The following GAPVD1 variants were observed in gnomAD, a reference collection of about 807,000 sequenced individuals.
GAPVD1 encodes GTPase activating protein and VPS9 domains 1.
A neutral mutation model predicts 155.5 loss-of-function variants in GAPVD1; 35 were observed. The observed-to-expected ratio is 0.23, with a 90% CI of 0.17 to 0.30. The LOEUF (loss-of-function observed/expected upper bound fraction) is 0.30. Among genes scored for constraint, GAPVD1 ranks in the 10% least tolerant of loss-of-function variants. The pLI, the probability that GAPVD1 is intolerant of heterozygous loss-of-function variation, is 1.00. For missense variants in GAPVD1, 1,429 were observed against 1,775.7 expected (o/e 0.80, Z 3.51); for synonymous variants, 636 against 619.7 (o/e 1.03, Z -0.39).
At position 125,323,908 on chromosome 9, in the gene GAPVD1, T is replaced by C. The variant is rs771692854; in HGVS notation, c.1843T>C (p.Leu615=). Residue 615 remains leucine (L), a synonymous_variant, in exon 11 of 28, where the codon TTA becomes CTA. Coordinates refer to ENST00000297933, the MANE Select transcript of GAPVD1 (RefSeq NM_001282680.3). ...GSNGVEALQL[L]EHEQATTQDN... ...TAATGGAGTTGAAGCTCTACAGCTG[T>C]TAGAACATGAGCAAGGTAAAGTGAA... 1 of 1,613,348 alleles carries C rather than the reference T, an allele frequency of 6.2e-7. No homozygotes were observed. The highest frequency in any genetic ancestry group is 8.5e-7 in the Non-Finnish European group (1 of 1,179,656).
intron 2 of GAPVD1, among the ~76,000 whole-genome samples, chr9:125,270,957 A>T (rs1834810168): frequency 6.6e-6 from 1 of 152,214 alleles, no homozygotes; most frequent in Admixed American, 6.5e-5. Flanking sequence ...CTCAAAAAAT[A>T]AAAAAGAATG....
chr9:125,262,087 C>A (rs938295507), intron 1 of GAPVD1, 128 bp downstream of exon 1: 4 of 152,458 alleles, frequency 2.6e-5, no homozygotes, highest in Admixed American at 2.6e-4. Flanking sequence ...ACCCCGGGGT[C>A]CTGGGCTCTT....
At chr9:125,354,035 A>T (rs1849688009) in intron 23 of GAPVD1, among the ~76,000 whole-genome samples, 1 of 152,214 alleles carries the variant, frequency 6.6e-6, no homozygotes, top group Non-Finnish European at 1.5e-5. Flanking sequence ...CTTAGTGGTG[A>T]TAGGAAAGCC....
chr9:125,333,108 T>C (rs1846321751), intron 15 of GAPVD1, among the ~76,000 whole-genome samples: 1 of 152,176 alleles, frequency 6.6e-6, no homozygotes, highest in African/African-American at 2.4e-5. Flanking sequence ...AGTCTTGTGC[T>C]GTCACCCAGG....
At position 125,360,650 on chromosome 9, in the gene GAPVD1, C is replaced by T; in HGVS notation, c.4167C>T (p.Leu1389=). 1 of 1,614,030 alleles carries T rather than the reference C, an allele frequency of 6.2e-7. No homozygotes were observed. Among genetic ancestry groups the T allele is most frequent in the Non-Finnish European group, 8.5e-7 (1 of 1,179,946 alleles). ...ILRMCSTIMN[L]LSLANEDSVP... ...GAATGTGCTCTACGATTATGAACCT[C>T]CTGAGCCTGGCCAATGAGGACTCTG... The change falls in exon 27 of 28, where the codon CTC becomes CTT. Residue 1389 remains leucine (L), a synonymous_variant. Transcript: ENST00000297933.
chr9:125,337,558 T>A lies in GAPVD1; in HGVS notation c.2844T>A (p.Ser948=). ...TGGTGGCTGCACCTCATTCATCATC[T>A]TCATCCCCGAGTAAGGACTCCTCAA... is the stretch of plus-strand genomic sequence containing the variant. ...TSLVAAPHSS[S]SSPSKDSSRG... is the part of the protein sequence containing the mutation. Residue 948 remains serine, a synonymous_variant, in exon 17 of 28, where the codon TCT becomes TCA. Transcript: ENST00000297933. 1 of 1,614,054 alleles carries A rather than the reference T, an allele frequency of 6.2e-7. No individual in the cohort carries two copies. Among genetic ancestry groups the A allele is most frequent in the South Asian group, 1.1e-5 (1 of 91,084 alleles).
chr9:125,321,886 G>T (rs10819045), intron 10 of GAPVD1, among the ~76,000 whole-genome samples: 77,851 of 151,870 alleles, frequency 0.51, 20,086 homozygotes, highest in Middle Eastern at 0.59. Flanking sequence ...CATGCATGTC[G>T]AAACGGGAAA....
chr9:125,314,007 A>G (rs1302798717), intron 9 of GAPVD1, among the ~76,000 whole-genome samples: 7 of 152,206 alleles, frequency 4.6e-5, no homozygotes, highest in Non-Finnish European at 1.0e-4. Flanking sequence ...ACATTAATAC[A>G]TCTGTGGCAC....
chr9:125,295,383 G>A (rs1016452378), intron 2 of GAPVD1, 75 bp from the exon 3 acceptor site: 1 of 148,550 alleles, frequency 6.7e-6, no homozygotes, highest in Non-Finnish European at 1.5e-5. Context: ...TAGAAAAGCA[G>A]AACAAATTGG....
intron 15 of GAPVD1, among the ~76,000 whole-genome samples, chr9:125,335,748 G>C (rs1846830936): frequency 2.0e-5 from 3 of 152,056 alleles, no homozygotes; most frequent in Admixed American, 2.0e-4. Context: ...CATTTAATGG[G>C]TATATTTAAA....
At chr9:125,282,039 G>C (rs2132171913) in intron 2 of GAPVD1, among the ~76,000 whole-genome samples, 1 of 152,182 alleles carries the variant, frequency 6.6e-6, no homozygotes, top group East Asian at 1.9e-4. Flanking sequence ...CCAACACTTT[G>C]GAACGCCAAG....
chr9:125,284,880 A>G (rs935147213), intron 2 of GAPVD1, among the ~76,000 whole-genome samples: 2 of 152,244 alleles, frequency 1.3e-5, no homozygotes, highest in Non-Finnish European at 2.9e-5. Flanking sequence ...AAAATAGTAC[A>G]GTAAGAATAT....
At chr9:125,276,429 C>T (rs1835797760) in intron 2 of GAPVD1, among the ~76,000 whole-genome samples, 1 of 152,126 alleles carries the variant, frequency 6.6e-6, no homozygotes, top group African/African-American at 2.4e-5. Context: ...AAAAATGTTA[C>T]ACCTGTAATC....
At chr9:125,286,635 A>G (rs755624240) in intron 2 of GAPVD1, among the ~76,000 whole-genome samples, 4 of 152,226 alleles carry the variant, frequency 2.6e-5, no homozygotes, top group Non-Finnish European at 5.9e-5. Flanking sequence ...TGCAAATATT[A>G]GCAAAGATAA....
chr9:125,331,840 A>T (rs1230810753), intron 13 of GAPVD1, 86 bp from the exon 14 acceptor site: 2 of 1,195,454 alleles, frequency 1.7e-6, no homozygotes, highest in Non-Finnish European at 2.5e-6. Flanking sequence ...ATGCCCTGGT[A>T]GCTTTGTTTA....
chr9:125,328,933 GAC>G (rs1845646764), intron 12 of GAPVD1, among the ~76,000 whole-genome samples: 1 of 152,236 alleles, frequency 6.6e-6, no homozygotes, highest in Non-Finnish European at 1.5e-5. Flanking sequence ...AGGGGCTGGA[GAC>G]CGCCCGGCCA....
intron 4 of GAPVD1, 86 bp downstream of exon 4, chr9:125,299,192 T>G (rs1172645994): frequency 1.4e-6 from 1 of 700,386 alleles, no homozygotes; most frequent in Non-Finnish European, 2.3e-6. Flanking sequence ...ATGAATCTGT[T>G]TCCAACAAAG....
At chr9:125,336,443 C>G (rs1028742682) in intron 15 of GAPVD1, among the ~76,000 whole-genome samples, 4 of 152,050 alleles carry the variant, frequency 2.6e-5, no homozygotes, top group Admixed American at 1.3e-4. Flanking sequence ...GATTTACAGC[C>G]TTTTATTTGT....
At chr9:125,360,765 A>T (rs1169718411) in intron 27 of GAPVD1, 40 bp downstream of exon 27, 9 of 1,501,790 alleles carry the variant, frequency 6.0e-6, no homozygotes, top group Non-Finnish European at 8.3e-6. Context: ...GTTATGTGGC[A>T]TTCTGAGCAG....
Sources: gnomAD v4.1 joint callset for allele counts (sites outside exome capture counted in the v4.1 genomes callset) on GRCh38, gnomAD v4.1.1 for gene constraint, MANE v1.5 for transcripts, NCBI Gene and HGNC (gene_info 2026-07-23, HGNC 2026-07-21) for gene names.